The following RNF38 variants were observed in gnomAD, a reference collection of about 807,000 sequenced individuals.
The protein encoded by RNF38 is ring finger protein 38.
A neutral mutation model predicts 67.2 loss-of-function variants in RNF38; 15 were observed. The ratio of observed to expected loss-of-function variants is 0.22; its 90% CI spans 0.15 to 0.34. The LOEUF (loss-of-function observed/expected upper bound fraction) is 0.34, where lower values mean the gene tolerates loss of function less well. RNF38 is among the 10% of genes least tolerant of loss of function. The pLI is 1.00. For missense variants in RNF38, 524 were observed against 639.9 expected (o/e 0.82, Z 1.95); for synonymous variants, 220 against 218.8 (o/e 1.01, Z -0.05).
At chr9:36,466,459 ATAAAGCGTAGTT>A (rs1408122318) in intron 1 of RNF38, among the ~76,000 whole-genome samples, 4 of 152,222 alleles carry the variant, frequency 2.6e-5, no homozygotes, top group African/African-American at 9.6e-5. Flanking sequence ...TGGGAGGCTC[ATAAAGCGTAGTT>A]TTAGTATTTT....
At chr9:36,475,304 A>G (rs904758906) in intron 1 of RNF38, among the ~76,000 whole-genome samples, 13 of 152,124 alleles carry the variant, frequency 8.5e-5, no homozygotes, top group Non-Finnish European at 1.8e-4. Flanking sequence ...GTACATAGTA[A>G]GCATTCAACA....
chr9:36,465,643 C>G lies in RNF38; in HGVS notation n.241+21665G>C, dbSNP rs185006319. On this transcript the variant is annotated intron_variant and non_coding_transcript_variant, in intron 1 of 3. Coordinates refer to the RNF38 transcript ENST00000488058. ...TACAGGCATCAGCCACTATACCCGG[C>G]CCATAGCAGCATTATTCATAATCAT... is the stretch of plus-strand genomic sequence containing the variant. Among the ~76,000 whole-genome samples, 10 of 152,298 alleles carry G rather than the reference C, an allele frequency of 6.6e-5. No homozygotes were observed. The East Asian group carries it at 1.9e-3, about 29-fold the overall frequency.
chr9:36,487,414 CGGCGGCGGTGGGGGGCGCG>C, exon 1 of RNF38: 2 of 981,380 alleles, frequency 2.0e-6, no homozygotes, highest in Non-Finnish European at 2.4e-6. Context: ...CCGGCCGGGG[CGGCGGCGGTGGGGGGCGCG>C]GGCGGCGCGG....
At chr9:36,475,119 C>G (rs1840093536) in intron 1 of RNF38, among the ~76,000 whole-genome samples, 2 of 139,804 alleles carry the variant, frequency 1.4e-5, no homozygotes, top group Non-Finnish European at 3.1e-5. Flanking sequence ...TCACTCCAGC[C>G]TGGGCAATAG....
intron 11 of RNF38, among the ~76,000 whole-genome samples, chr9:36,340,043 G>C (rs530761832): frequency 3.3e-5 from 5 of 151,948 alleles, no homozygotes; most frequent in African/African-American, 1.2e-4. Flanking sequence ...GCAATGGCAC[G>C]ATCTCAACTC....
chr9:36,413,118 A>G (rs1008796168), intron 2 of RNF38, among the ~76,000 whole-genome samples: 1 of 151,776 alleles, frequency 6.6e-6, no homozygotes, highest in African/African-American at 2.4e-5. Flanking sequence ...AATCCCAGCT[A>G]CTAGGGAGGC....
Position 36,356,310 on chromosome 9 carries a change from G to A in RNF38, c.902C>T (p.Ser301Leu), listed in dbSNP as rs761459695. The change falls in exon 6 of 12, where the codon TCA (serine) becomes TTA (leucine). Residue 301 changes from serine to leucine, a missense_variant. This residue lies in a region of RNF38 where 461 missense variants were observed against 517.4 expected (regional missense o/e 0.89). Transcript: ENST00000259605. Reference protein sequence around the residue: ...GQFVPFQTQQSRSPLQRIENE... With the variant: ...GQFVPFQTQQLRSPLQRIENE... ...AATAGTAGAGATACCTACCGATCGT[G>A]ATTGCTGTGTTTGGAAAGGGACAAA... 2 of 1,613,972 alleles carry A rather than the reference G, an allele frequency of 1.2e-6. No homozygotes were observed. Among genetic ancestry groups the A allele is most frequent in the South Asian group, 1.1e-5 (1 of 91,080 alleles).
intron 4 of RNF38, among the ~76,000 whole-genome samples, chr9:36,358,934 C>T (rs1217179183): frequency 6.6e-6 from 1 of 152,184 alleles, no homozygotes; most frequent in African/African-American, 2.4e-5. Flanking sequence ...TCACTTGAAC[C>T]TGGGAGGTGG....
In RNF38 at chr9:36,356,441, T is replaced by G. The variant is rs368404987; in HGVS notation, c.771A>C (p.Pro257=). 27 of 1,612,634 alleles carry G rather than the reference T, an allele frequency of 1.7e-5. No individual in the cohort carries two copies. Among genetic ancestry groups the G allele is most frequent in the Non-Finnish European group, 2.3e-5 (27 of 1,179,378 alleles). ...GGGGTGGGAATGCAGCATATGGTAC[T>G]GGTAAGTGCTGAACTGAACATGCCT... ...MLQACSVQHL[P]VPYAAFPPLI... The change falls in exon 6 of 12, where the codon CCA becomes CCC. Residue 257 remains proline, a synonymous_variant. Coordinates refer to ENST00000259605, the MANE Select transcript of RNF38 (RefSeq NM_022781.5).
chr9:36,449,973 C>A (rs763039036), intron 1 of RNF38, among the ~76,000 whole-genome samples: 41 of 152,132 alleles, frequency 2.7e-4, no homozygotes, highest in Non-Finnish European at 5.3e-4. Context: ...CAAACATATT[C>A]GCTCTGTTCA....
At chr9:36,463,582 GA>G (rs954988023) in intron 1 of RNF38, among the ~76,000 whole-genome samples, 62 of 149,638 alleles carry the variant, frequency 4.1e-4, no homozygotes, top group East Asian at 1.4e-3. Context: ...AGGTACACTA[GA>G]AAAAAAAAAT....
chr9:36,376,389 C>A (rs904157481), intron 2 of RNF38, among the ~76,000 whole-genome samples: 1 of 152,030 alleles, frequency 6.6e-6, no homozygotes, highest in African/African-American at 2.4e-5. Context: ...AATGAGGTAA[C>A]GACATATAGG....
intron 2 of RNF38, among the ~76,000 whole-genome samples, chr9:36,407,082 C>A (rs1027561666): frequency 6.6e-6 from 1 of 152,218 alleles, no homozygotes; most frequent in East Asian, 1.9e-4. Context: ...ATTTAGCCTA[C>A]GCAGTATCTA....
chr9:36,414,371 T>C (rs975894704), intron 2 of RNF38, among the ~76,000 whole-genome samples: 2 of 152,178 alleles, frequency 1.3e-5, no homozygotes, highest in African/African-American at 4.8e-5. Context: ...AGGTTCTATT[T>C]TGGTGTACTT....
chr9:36,482,957 T>A (rs1249283247), intron 1 of RNF38, among the ~76,000 whole-genome samples: 2 of 152,214 alleles, frequency 1.3e-5, no homozygotes, highest in Non-Finnish European at 2.9e-5. Context: ...GCCCCTTCTC[T>A]GAGTGCACAC....
chr9:36,341,806 A>T (rs1832856399), intron 11 of RNF38, among the ~76,000 whole-genome samples: 1 of 38,800 alleles, frequency 2.6e-5, no homozygotes, highest in African/African-American at 1.0e-4. Context: ...ATATATATAT[A>T]TATATATATA....
intron 4 of RNF38, among the ~76,000 whole-genome samples, chr9:36,361,654 G>A (rs747864556): frequency 4.9e-4 from 74 of 152,204 alleles, no homozygotes; most frequent in Non-Finnish European, 1.5e-4. Flanking sequence ...CACTTTCAGA[G>A]TCTGACTCTG....
chr9:36,382,429 G>A (rs977044854), intron 2 of RNF38, among the ~76,000 whole-genome samples: 2 of 152,124 alleles, frequency 1.3e-5, no homozygotes, highest in African/African-American at 4.8e-5. Flanking sequence ...AACATCAACA[G>A]AAGTGAAATG....
chr9:36,342,696 G>T (rs987573162), intron 10 of RNF38, among the ~76,000 whole-genome samples: 4 of 152,018 alleles, frequency 2.6e-5, no homozygotes, highest in African/African-American at 9.7e-5. Flanking sequence ...ATTAGAACTG[G>T]ATGTCCACAT....
Sources: gnomAD v4.1 joint callset for allele counts (sites outside exome capture counted in the v4.1 genomes callset) on GRCh38, gnomAD v4.1.1 for gene constraint, gnomAD v4.1.1 regional missense constraint, MANE v1.5 for transcripts, NCBI Gene and HGNC (gene_info 2026-07-23, HGNC 2026-07-21) for gene names.